SPATA24: variants seen among roughly 807,000 people sequenced by gnomAD.
SPATA24 encodes the protein spermatogenesis associated 24.
SPATA24 carries 21 observed loss-of-function variants against 28.9 expected under a neutral mutation model. The observed-to-expected ratio is 0.73, with a 90% CI of 0.52 to 1.05. SPATA24 has a LOEUF of 1.05. Among genes scored for constraint, SPATA24 ranks in the 50% least tolerant of loss-of-function variants. SPATA24 has a pLI of 0.00. For missense variants in SPATA24, 215 were observed against 242.9 expected (o/e 0.88, Z 0.76); for synonymous variants, 76 against 89.9 (o/e 0.85, Z 0.88).
intron 1 of SPATA24, 75 bp from the exon 2 acceptor site, chr5:139,402,768 G>T: frequency 1.8e-6 from 2 of 1,114,966 alleles, no homozygotes; most frequent in Non-Finnish European, 2.7e-6. Flanking sequence ...AGGACCAAAA[G>T]CGGATAACAG....
At chr5:139,394,288 G>T (rs1303231964), downstream of SPATA24, 1 of 1,530,082 alleles carries the variant, frequency 6.5e-7, no homozygotes, top group Non-Finnish European at 8.8e-7. Context: ...GCTGCTCGGG[G>T]CCGGGGCCTC....
At chr5:139,393,777 G>A (rs980045158), downstream of SPATA24, 4 of 1,551,330 alleles carry the variant, frequency 2.6e-6, no homozygotes, top group African/African-American at 5.5e-5. Flanking sequence ...TTTCCCACTC[G>A]GAGGAGGCTT....
At chr5:139,397,232 G>C in intron 4 of SPATA24, 89 bp from the exon 5 acceptor site, 2 of 973,198 alleles carry the variant, frequency 2.1e-6, no homozygotes, top group Non-Finnish European at 3.1e-6. Flanking sequence ...GCTTTTCAGA[G>C]CTTGGCTCCC....
At chr5:139,395,015 G>C (rs1581397204), downstream of SPATA24, 2 of 1,461,470 alleles carry the variant, frequency 1.4e-6, no homozygotes, top group African/African-American at 3.0e-5. Context: ...TCCTGGCGCC[G>C]CGCGGGGGCC....
intron 4 of SPATA24, among the ~76,000 whole-genome samples, chr5:139,400,480 G>T (rs1336705429): frequency 2.0e-5 from 3 of 151,720 alleles, no homozygotes. Flanking sequence ...GTAATTTTTG[G>T]TATTTTTAGT....
intron 4 of SPATA24, among the ~76,000 whole-genome samples, chr5:139,400,434 G>A (rs2152078974): frequency 6.6e-6 from 1 of 151,308 alleles, no homozygotes; most frequent in Non-Finnish European, 1.5e-5. Context: ...AGCCTCCTGA[G>A]TAGCTGGTAT....
chr5:139,402,774 A>C, intron 1 of SPATA24, 81 bp from the exon 2 acceptor site: 3 of 1,050,206 alleles, frequency 2.9e-6, no homozygotes, highest in Middle Eastern at 4.6e-4. Context: ...AAAAGCGGAT[A>C]ACAGGATGAT....
chr5:139,397,498 C>G (rs535576592), intron 4 of SPATA24, among the ~76,000 whole-genome samples: 36 of 152,078 alleles, frequency 2.4e-4, no homozygotes, highest in African/African-American at 3.9e-4. Flanking sequence ...GAGAAACTCT[C>G]CCTCATCAAA....
chr5:139,403,913 C>A, intron 1 of SPATA24, 31 bp downstream of exon 1: 1 of 1,533,636 alleles, frequency 6.5e-7, no homozygotes, highest in South Asian at 1.2e-5. Flanking sequence ...CATCCGGCCC[C>A]GCCTCTCCCC....
chr5:139,392,851 C>G (rs1173817675), downstream of SPATA24: 6 of 1,540,748 alleles, frequency 3.9e-6, no homozygotes, highest in African/African-American at 2.8e-5. The surrounding 1 kb of genome is among the most constrained non-coding windows in gnomAD (Gnocchi z 5.8). Context: ...TACCTCGGGC[C>G]GGCGACCCAA....
downstream of SPATA24, chr5:139,394,594 C>T: frequency 3.3e-6 from 5 of 1,531,042 alleles, no homozygotes; most frequent in Non-Finnish European, 4.4e-6. Context: ...GCGGGAGCCA[C>T]CATCGGGGAC....
downstream of SPATA24, chr5:139,394,966 C>G (rs997948342): frequency 6.6e-7 from 1 of 1,520,726 alleles, no homozygotes; most frequent in Non-Finnish European, 8.8e-7. Flanking sequence ...CTCCGGAGAA[C>G]CTGGAGCCGT....
chr5:139,393,712 A>G (rs779161768), downstream of SPATA24: 30 of 1,551,128 alleles, frequency 1.9e-5, no homozygotes, highest in Non-Finnish European at 2.6e-5. Flanking sequence ...CTGGGAAAGG[A>G]TCGGAGGGGA....
chr5:139,393,852 C>G (rs762495289), downstream of SPATA24: 10 of 1,550,624 alleles, frequency 6.4e-6, no homozygotes, highest in South Asian at 1.2e-4. Context: ...TCTGGGGCGA[C>G]GGGCAGCGAG....
downstream of SPATA24, chr5:139,393,011 C>G: frequency 1.3e-6 from 2 of 1,521,376 alleles, no homozygotes; most frequent in Non-Finnish European, 1.8e-6. Flanking sequence ...GGGTGCGGCA[C>G]CACCGGTAGA....
At chr5:139,392,794 A>G (rs10078623), downstream of SPATA24, 1,460,801 of 1,466,970 alleles carry the variant, frequency 1, 727,440 homozygotes, top group Non-Finnish European at 1. This position sits in a 1 kb window ranked among gnomAD's most constrained non-coding sequence, Gnocchi z 5.8. Flanking sequence ...CTGGGCCTCT[A>G]CATCCCTGTT....
chr5:139,401,539 G>C, intron 4 of SPATA24: 1 of 677,460 alleles, frequency 1.5e-6, no homozygotes, highest in East Asian at 2.7e-5. Context: ...ATTCCTTTAT[G>C]GCGGTGAAGA....
rs2152077940 is a variant in SPATA24, at chr5:139,397,140, A to G, written c.389T>C (p.Ile130Thr). The change falls in exon 5 of 6, where the codon ATT becomes ACT. Residue 130 changes from isoleucine (I) to threonine (T), a missense_variant. By Grantham distance (89) the Ile-to-Thr change is moderately conservative. Coordinates refer to ENST00000450845, the MANE Select transcript of SPATA24 (RefSeq NM_194296.2). The stretch of plus-strand genomic sequence containing the variant: ...TTCTTGCTTTATAATGTGAGACTCA[A>G]TCTCTGTGGGGGAGAGAGGCAGGGA... ...KDQLITKCNE[I>T]ESHIIKQEDI... 1 of 1,550,872 alleles carries G rather than the reference A, an allele frequency of 6.4e-7. No individual in the cohort carries two copies. The highest frequency in any genetic ancestry group is 8.7e-7 in the Non-Finnish European group (1 of 1,145,950).
downstream of SPATA24, chr5:139,394,304 T>G: frequency 4.6e-6 from 7 of 1,509,432 alleles, no homozygotes; most frequent in Non-Finnish European, 6.2e-6. Flanking sequence ...GCCTCGGGGC[T>G]CAGTTTTCTG....
Sources: allele counts gnomAD v4.1 joint callset (sites outside exome capture counted in the v4.1 genomes callset), GRCh38; gene constraint gnomAD v4.1.1; non-coding constraint Gnocchi (gnomAD v3.1); transcripts MANE v1.5; gene names NCBI Gene and HGNC (gene_info 2026-07-23, HGNC 2026-07-21).